The following AMMECR1 variants were observed in gnomAD, a reference collection of about 807,000 sequenced individuals.
AMMECR1 encodes nuclear protein AMMECR1.
A neutral mutation model predicts 22.5 loss-of-function variants in AMMECR1; 3 were observed. That is an observed-to-expected ratio of 0.13 (90% CI 0.06 to 0.35). The LOEUF (loss-of-function observed/expected upper bound fraction) is 0.35. Among genes scored for constraint, AMMECR1 ranks in the 10% least tolerant of loss-of-function variants. The pLI is 1.00. For missense variants in AMMECR1, 235 were observed against 278.7 expected (o/e 0.84, Z 1.12); for synonymous variants, 130 against 116.7 (o/e 1.11, Z -0.74).
At chrX:110,419,045 T>C (rs975661659) in intron 2 of AMMECR1, 1 of 111,605 alleles carries the variant, frequency 9.0e-6, no homozygotes, top group Admixed American at 9.5e-5. Context: ...GAAATCTCAG[T>C]CCGATTTGGA....
chrX:110,428,586 T>G (rs2068771282), intron 1 of AMMECR1, among the ~76,000 whole-genome samples: 2 of 111,520 alleles, frequency 1.8e-5, no homozygotes, highest in South Asian at 7.7e-4. Context: ...CTTTCTCTGA[T>G]GCCATCTGAA....
At chrX:110,235,881 C>T (rs1160446316) in intron 2 of AMMECR1, among the ~76,000 whole-genome samples, 1 of 110,956 alleles carries the variant, frequency 9.0e-6, no homozygotes, top group African/African-American at 3.3e-5. Flanking sequence ...GTTGATGGTG[C>T]AGCAAACCAA....
At chrX:110,314,508 C>T (rs1416268486) in intron 1 of AMMECR1, among the ~76,000 whole-genome samples, 1 of 111,432 alleles carries the variant, frequency 9.0e-6, no homozygotes, top group Non-Finnish European at 1.9e-5. Flanking sequence ...AGTTGGGGCT[C>T]AGGCATCCAT....
intron 2 of AMMECR1, among the ~76,000 whole-genome samples, chrX:110,376,992 C>T (rs1227320442): frequency 8.9e-6 from 1 of 111,885 alleles, no homozygotes; most frequent in Non-Finnish European, 1.9e-5. Flanking sequence ...AACCACTTCC[C>T]GCTCTAGTGC....
intron 1 of AMMECR1, among the ~76,000 whole-genome samples, chrX:110,317,148 C>G (rs1280972858): frequency 9.0e-6 from 1 of 111,477 alleles, no homozygotes; most frequent in Non-Finnish European, 1.9e-5. Context: ...ATTTTTCATC[C>G]TGCAATGGGA....
intron 2 of AMMECR1, among the ~76,000 whole-genome samples, chrX:110,354,746 G>A (rs959006539): frequency 7.1e-5 from 8 of 112,245 alleles, no homozygotes; most frequent in Non-Finnish European, 1.1e-4. Context: ...CTATACAATA[G>A]GGAAAGGACA....
intron 5 of AMMECR1, among the ~76,000 whole-genome samples, 175 bp downstream of exon 5, chrX:110,200,779 G>A (rs751236719): frequency 8.9e-6 from 1 of 111,990 alleles, no homozygotes; most frequent in South Asian, 3.7e-4. Flanking sequence ...CATCACACAG[G>A]CTTTACTACG....
At chrX:110,306,582 C>T (rs1396289062) in intron 1 of AMMECR1, among the ~76,000 whole-genome samples, 1 of 110,256 alleles carries the variant, frequency 9.1e-6, no homozygotes, top group African/African-American at 3.3e-5. Context: ...CCTCAGCCTC[C>T]GGAGTAGCTG....
chrX:110,336,302 G>A (rs1476650951), intron 2 of AMMECR1, among the ~76,000 whole-genome samples: 1 of 111,334 alleles, frequency 9.0e-6, no homozygotes, highest in Non-Finnish European at 1.9e-5. Context: ...GTGCTATTCC[G>A]TATGCTGTAT....
chrX:110,428,331 C>G (rs991751432), intron 1 of AMMECR1, among the ~76,000 whole-genome samples: 1 of 112,032 alleles, frequency 8.9e-6, no homozygotes. Flanking sequence ...AGTCTGTTTA[C>G]TTATCTGCCT....
At chrX:110,236,123 A>T (rs1011634587) in intron 2 of AMMECR1, among the ~76,000 whole-genome samples, 3 of 112,254 alleles carry the variant, frequency 2.7e-5, no homozygotes, top group Non-Finnish European at 5.6e-5. Flanking sequence ...CTTTTCACGA[A>T]TAAGTAGCAG....
chrX:110,370,679 T>C (rs2068332184), intron 2 of AMMECR1, among the ~76,000 whole-genome samples: 1 of 112,488 alleles, frequency 8.9e-6, no homozygotes, highest in Non-Finnish European at 1.9e-5. Context: ...CTTCCTCAAA[T>C]GCCATCGGGG....
chrX:110,228,405 T>C (rs1185665477), intron 2 of AMMECR1, among the ~76,000 whole-genome samples: 4 of 111,451 alleles, frequency 3.6e-5, no homozygotes, highest in African/African-American at 1.3e-4. Flanking sequence ...ATTTTGGGGA[T>C]AACTAAGAGC....
chrX:110,382,287 T>C (rs2148275986), intron 2 of AMMECR1, among the ~76,000 whole-genome samples: 1 of 109,971 alleles, frequency 9.1e-6, no homozygotes, highest in South Asian at 3.9e-4. Flanking sequence ...ACGAACTTTA[T>C]TGAACAGAAG....
intron 2 of AMMECR1, among the ~76,000 whole-genome samples, chrX:110,350,174 C>T (rs1445905615): frequency 8.9e-6 from 1 of 111,929 alleles, no homozygotes. Context: ...AAGGCATTCT[C>T]GCCCTGTTTT....
At chrX:110,361,934 T>A (rs924980690) in intron 2 of AMMECR1, among the ~76,000 whole-genome samples, 1 of 111,898 alleles carries the variant, frequency 8.9e-6, no homozygotes, top group African/African-American at 3.3e-5. Context: ...CCAATAAAAC[T>A]GTATTTACCA....
At chrX:110,382,400 G>A (rs1180314824) in intron 2 of AMMECR1, among the ~76,000 whole-genome samples, 1 of 111,213 alleles carries the variant, frequency 9.0e-6, no homozygotes, top group Non-Finnish European at 1.9e-5. Flanking sequence ...TGGGAGACAT[G>A]GATGAAGCTT....
chrX:110,413,295 G>C (rs778336683), intron 2 of AMMECR1, among the ~76,000 whole-genome samples: 3 of 111,405 alleles, frequency 2.7e-5, no homozygotes, highest in African/African-American at 9.8e-5. Flanking sequence ...TCTCCACGGC[G>C]GATCTCACGG....
At chrX:110,333,412 A>G (rs2068128714) in intron 2 of AMMECR1, among the ~76,000 whole-genome samples, 1 of 111,928 alleles carries the variant, frequency 8.9e-6, no homozygotes, top group Non-Finnish European at 1.9e-5. Context: ...CCATTGTGGA[A>G]GACAGTGTGG....
Sources: gnomAD v4.1 joint callset for allele counts (sites outside exome capture counted in the v4.1 genomes callset) on GRCh38, gnomAD v4.1.1 for gene constraint, MANE v1.5 for transcripts, NCBI Gene and HGNC (gene_info 2026-07-23, HGNC 2026-07-21) for gene names.